The following MCTP1 variants were observed in gnomAD, a reference collection of about 807,000 sequenced individuals.
MCTP1 encodes the protein multiple C2 and transmembrane domain-containing protein 1.
In MCTP1, 69 loss-of-function variants were observed where a neutral mutation model predicts 120.6. That is an observed-to-expected ratio of 0.57 (90% CI 0.47 to 0.70). The LOEUF is 0.70. Among genes scored for constraint, MCTP1 ranks in the 30% least tolerant of loss-of-function variants. MCTP1 has a pLI of 0.00. For missense variants in MCTP1, 1,203 were observed against 1,248.8 expected, an observed-to-expected ratio of 0.96 and a Z score of 0.55; for synonymous variants, 529 against 493.1, an observed-to-expected ratio of 1.07 and a Z score of -0.96.
chr5:95,166,165 A>T (rs1457201969), intron 1 of MCTP1: 4 of 152,200 alleles, frequency 2.6e-5, no homozygotes, highest in African/African-American at 9.7e-5. Context: ...AGTGTTGTAT[A>T]GGTGAAAACT....
chr5:94,738,509 T>G (rs1345215830), intron 19 of MCTP1, among the ~76,000 whole-genome samples: 1 of 152,144 alleles, frequency 6.6e-6, no homozygotes, highest in Non-Finnish European at 1.5e-5. Context: ...CCCCCCATAC[T>G]GAACATTCTA....
intron 1 of MCTP1, among the ~76,000 whole-genome samples, chr5:95,206,415 G>A (rs1256509958): frequency 2.6e-5 from 4 of 152,050 alleles, no homozygotes; most frequent in African/African-American, 9.7e-5. Flanking sequence ...GGTTATGAGT[G>A]AATTGTATAG....
chr5:94,764,160 T>C (rs928360662), intron 19 of MCTP1, among the ~76,000 whole-genome samples: 3 of 152,204 alleles, frequency 2.0e-5, no homozygotes, highest in Non-Finnish European at 2.9e-5. Flanking sequence ...CTTAAACCTT[T>C]TGCTTGGATG....
intron 18 of MCTP1, among the ~76,000 whole-genome samples, chr5:94,788,583 C>T (rs1778241339): frequency 6.6e-6 from 1 of 152,138 alleles, no homozygotes; most frequent in African/African-American, 2.4e-5. Flanking sequence ...CCCCCACCAC[C>T]ACCAAACAGA....
intron 1 of MCTP1, among the ~76,000 whole-genome samples, chr5:95,078,414 T>C (rs1462897771): frequency 6.6e-6 from 1 of 152,212 alleles, no homozygotes; most frequent in Non-Finnish European, 1.5e-5. Context: ...GGAAATCTTG[T>C]TGTATCACCA....
chr5:95,121,335 C>G (rs1399328216), intron 1 of MCTP1, among the ~76,000 whole-genome samples: 1 of 141,718 alleles, frequency 7.1e-6, no homozygotes, highest in East Asian at 2.1e-4. Context: ...ATACAAAAAC[C>G]AGTAGCATTT....
Position 94,711,046 on chromosome 5 carries a change from C to T in MCTP1, c.2721-119G>A. On this transcript the variant is annotated intron_variant, in intron 20 of 22. Coordinates refer to ENST00000515393, the MANE Select transcript of MCTP1 (RefSeq NM_024717.7). ...CTGCATTTCTCTCTGGAATAGATTC[C>T]AATTGTAATAGGTTATCAGAGGACG... The T allele has an allele frequency of 1.5e-5, 11 of 726,876 alleles. No homozygotes were observed. In the South Asian group the frequency reaches 1.7e-4, roughly 11 times the overall value. 45.0% of individuals were successfully genotyped at this position (726,876 alleles called of 1,614,324 possible).
chr5:94,907,634 G>A (rs982522740), intron 10 of MCTP1, among the ~76,000 whole-genome samples: 1 of 152,044 alleles, frequency 6.6e-6, no homozygotes. Flanking sequence ...CCACCTTTCT[G>A]TCAACCATGT....
chr5:94,741,797 G>C (rs79485347), intron 19 of MCTP1, among the ~76,000 whole-genome samples: 264 of 152,330 alleles, frequency 1.7e-3, no homozygotes, highest in African/African-American at 6.1e-3. Flanking sequence ...GCAAATGCTT[G>C]CATGCGTTGA....
At chr5:95,034,662 A>G (rs1840924097) in intron 1 of MCTP1, among the ~76,000 whole-genome samples, 1 of 151,906 alleles carries the variant, frequency 6.6e-6, no homozygotes, top group African/African-American at 2.4e-5. Context: ...ATATTGACTT[A>G]TGCAAATAAT....
rs540762152 is a variant in MCTP1, at chr5:95,105,485, C to T, written c.721-88001G>A. On this transcript the variant is annotated intron_variant, in intron 1 of 22. Transcript: ENST00000515393. Reference sequence around the variant, plus strand: ...AAAACTATTCCCAAGAATCAGTTTACACATGGGCACTTGTAACCCATAGGA... The same window carrying T: ...AAAACTATTCCCAAGAATCAGTTTATACATGGGCACTTGTAACCCATAGGA... Among the ~76,000 whole-genome samples, 9 of 152,308 alleles carry T rather than the reference C, an allele frequency of 5.9e-5. No homozygotes were observed. In the South Asian group the frequency reaches 1.9e-3, roughly 32 times the overall value.
chr5:95,089,393 G>T (rs1755679324), intron 1 of MCTP1, among the ~76,000 whole-genome samples: 1 of 152,148 alleles, frequency 6.6e-6, no homozygotes, highest in African/African-American at 2.4e-5. Flanking sequence ...AAAATGCACT[G>T]AACATAAAGA....
chr5:95,194,152 C>T (rs1198548111), intron 1 of MCTP1, among the ~76,000 whole-genome samples: 1 of 151,780 alleles, frequency 6.6e-6, no homozygotes, highest in Non-Finnish European at 1.5e-5. Flanking sequence ...GGAGTCTGAG[C>T]CTGCAGTGAG....
chr5:95,171,637 T>C (rs914264815), intron 1 of MCTP1, among the ~76,000 whole-genome samples: 2 of 152,228 alleles, frequency 1.3e-5, no homozygotes, highest in Non-Finnish European at 2.9e-5. Flanking sequence ...TCTAAACTTC[T>C]CTTCTCGCTT....
chr5:94,947,111 TGCCTG>T (rs1268016618), intron 3 of MCTP1, among the ~76,000 whole-genome samples: 4 of 152,156 alleles, frequency 2.6e-5, no homozygotes, highest in Non-Finnish European at 5.9e-5. Context: ...GCATTTTGCT[TGCCTG>T]GTCTCTGTCT....
intron 7 of MCTP1, among the ~76,000 whole-genome samples, chr5:94,921,289 T>C (rs1811589629): frequency 6.6e-6 from 1 of 152,226 alleles, no homozygotes; most frequent in Non-Finnish European, 1.5e-5. Context: ...ATAACAAATG[T>C]TATGTTTTCA....
At chr5:95,216,957 T>G (rs992946871) in intron 1 of MCTP1, among the ~76,000 whole-genome samples, 5 of 152,190 alleles carry the variant, frequency 3.3e-5, no homozygotes, top group Non-Finnish European at 7.3e-5. Context: ...AAGATTTAAA[T>G]GTTTTTCACT....
chr5:95,006,777 T>C (rs1834847299), intron 2 of MCTP1, among the ~76,000 whole-genome samples: 2 of 152,302 alleles, frequency 1.3e-5, no homozygotes, highest in East Asian at 1.9e-4. Flanking sequence ...GGATCAACCA[T>C]AATGCTTAAT....
At chr5:94,970,602 C>T (rs1322226845) in intron 2 of MCTP1, among the ~76,000 whole-genome samples, 5 of 152,076 alleles carry the variant, frequency 3.3e-5, no homozygotes, top group African/African-American at 7.2e-5. Flanking sequence ...TCCAGGAATT[C>T]GCTCTATGAC....
Sources: gnomAD v4.1 joint callset for allele counts (sites outside exome capture counted in the v4.1 genomes callset) on GRCh38, gnomAD v4.1.1 for gene constraint, MANE v1.5 for transcripts, NCBI Gene and HGNC (gene_info 2026-07-23, HGNC 2026-07-21) for gene names.